VAV3: variants seen among roughly 807,000 people sequenced by gnomAD.
VAV3 encodes vav guanine nucleotide exchange factor 3.
In VAV3, 94 loss-of-function variants were observed where a neutral mutation model predicts 131.2. The observed-to-expected ratio is 0.72, with a 90% CI of 0.61 to 0.85. VAV3 has a LOEUF of 0.85. Among genes scored for constraint, VAV3 ranks in the 40% least tolerant of loss-of-function variants. VAV3 has a pLI of 0.00. For synonymous variants in VAV3, 349 were observed against 342.0 expected (o/e 1.02, Z -0.22); for missense variants, 939 against 1,002.7 (o/e 0.94, Z 0.86).
chr1:107,752,389 T>C (rs1276412897), intron 12 of VAV3, among the ~76,000 whole-genome samples: 1 of 152,184 alleles, frequency 6.6e-6, no homozygotes, highest in Non-Finnish European at 1.5e-5. Context: ...TATAAAACTT[T>C]TACAAGAAAA....
chr1:107,844,230 T>C (rs1571031143), intron 2 of VAV3, among the ~76,000 whole-genome samples: 1 of 151,766 alleles, frequency 6.6e-6, no homozygotes, highest in Non-Finnish European at 1.5e-5. Flanking sequence ...GGGAACTCCC[T>C]CCCCTAGCCA....
intron 2 of VAV3, among the ~76,000 whole-genome samples, chr1:107,836,864 GAAATTGAAAACCT>G (rs1668502228): frequency 1.3e-5 from 2 of 152,106 alleles, no homozygotes; most frequent in African/African-American, 4.8e-5. Flanking sequence ...GAACCAGAAA[GAAATTGAAAACCT>G]GAACAGATCA....
chr1:107,871,009 G>T (rs1436985536), intron 2 of VAV3, among the ~76,000 whole-genome samples: 2 of 152,134 alleles, frequency 1.3e-5, no homozygotes, highest in Admixed American at 1.3e-4. Flanking sequence ...CACTGTCAAT[G>T]TGCCAACAGA....
chr1:107,796,394 T>A (rs1666546484), intron 2 of VAV3, among the ~76,000 whole-genome samples: 1 of 152,144 alleles, frequency 6.6e-6, no homozygotes, highest in Non-Finnish European at 1.5e-5. Context: ...TTTTCCTTTT[T>A]TTAGGGATCA....
intron 2 of VAV3, among the ~76,000 whole-genome samples, chr1:107,802,064 T>C (rs372748853): frequency 1.4e-4 from 22 of 152,228 alleles, no homozygotes; most frequent in African/African-American, 3.4e-4. Context: ...ATTATACAGA[T>C]CTTCCACTTC....
intron 1 of VAV3, among the ~76,000 whole-genome samples, chr1:107,956,783 G>A (rs181504765): frequency 7.0e-4 from 107 of 152,176 alleles, no homozygotes; most frequent in African/African-American, 2.3e-3. Context: ...CAGTCAGCAC[G>A]GTGCGGGTTT....
chr1:107,573,352 T>C lies in VAV3; in HGVS notation c.2523A>G (p.Thr841=). The part of the protein sequence containing the change: ...VNGRVGWFPS[T]YVEEDE ...GAATTTATTCATCCTCTTCCACATA[T>C]GTGGATGGAAACCAGCCCACCTAAA... The change falls in exon 27 of 27, where the codon ACA becomes ACG. Residue 841 remains threonine, a synonymous_variant. Transcript: ENST00000370056. 1 of 1,614,124 alleles carries C rather than the reference T, an allele frequency of 6.2e-7. No homozygotes were observed. Among genetic ancestry groups the C allele is most frequent in the Non-Finnish European group, 8.5e-7 (1 of 1,180,002 alleles).
chr1:107,826,966 A>G (rs1030318209), intron 2 of VAV3, among the ~76,000 whole-genome samples: 6 of 152,170 alleles, frequency 3.9e-5, no homozygotes, highest in Non-Finnish European at 8.8e-5. Flanking sequence ...AATAGTATCT[A>G]CCATTTGCTG....
chr1:107,776,886 A>C (rs990020113), intron 4 of VAV3, among the ~76,000 whole-genome samples: 1 of 152,222 alleles, frequency 6.6e-6, no homozygotes, highest in Non-Finnish European at 1.5e-5. Flanking sequence ...CCTTGAACTT[A>C]TAAGGCATGC....
intron 25 of VAV3, among the ~76,000 whole-genome samples, chr1:107,595,751 A>T (rs1033497473): frequency 6.6e-6 from 1 of 152,168 alleles, no homozygotes; most frequent in African/African-American, 2.4e-5. Flanking sequence ...TAGCATCCAA[A>T]AAAACACATT....
In VAV3 at chr1:107,602,812, A is replaced by T. The variant is rs142982139; in HGVS notation, c.2132+235T>A. On this transcript the variant is annotated intron_variant, in intron 23 of 26. Coordinates refer to ENST00000370056, the MANE Select transcript of VAV3 (RefSeq NM_006113.5). Reference sequence around the variant, plus strand: ...ATTTACTAGAAATATACACACATCAAACCACCAAAACACAATATTATGAAA... The same window carrying T: ...ATTTACTAGAAATATACACACATCATACCACCAAAACACAATATTATGAAA... 5.7e-3 allele frequency among the ~76,000 whole-genome samples: 862 copies of T among 152,290 alleles called. 8 individuals are homozygous for T. The highest frequency in any genetic ancestry group is 0.019 in the African/African-American group (806 of 41,556).
chr1:107,918,947 T>C (rs2101144918), intron 1 of VAV3, among the ~76,000 whole-genome samples: 1 of 152,098 alleles, frequency 6.6e-6, no homozygotes, highest in African/African-American at 2.4e-5. Context: ...CCTCAGGTGA[T>C]CCGCCCGCCT....
At chr1:107,607,121 A>T (rs898057196) in intron 22 of VAV3, among the ~76,000 whole-genome samples, 3 of 151,380 alleles carry the variant, frequency 2.0e-5, no homozygotes, top group Non-Finnish European at 2.9e-5. Flanking sequence ...CGCCCAGCTA[A>T]TTTTTTGTAT....
At chr1:107,587,750 C>T (rs530557868) in intron 25 of VAV3, among the ~76,000 whole-genome samples, 8 of 152,174 alleles carry the variant, frequency 5.3e-5, no homozygotes, top group Admixed American at 3.3e-4. Context: ...GCCACCACAC[C>T]GGGCTAATTT....
intron 2 of VAV3, among the ~76,000 whole-genome samples, chr1:107,864,351 G>C (rs1669880980): frequency 6.6e-6 from 1 of 152,204 alleles, no homozygotes; most frequent in Non-Finnish European, 1.5e-5. Flanking sequence ...GCCAGTCGTG[G>C]TGGCTCATGC....
At chr1:107,747,701 A>G (rs1346760254) in intron 15 of VAV3, among the ~76,000 whole-genome samples, 1 of 152,190 alleles carries the variant, frequency 6.6e-6, no homozygotes, top group African/African-American at 2.4e-5. Context: ...TATTTTACAG[A>G]TGAGGAAACT....
intron 1 of VAV3, among the ~76,000 whole-genome samples, chr1:107,948,053 G>A (rs920130717): frequency 3.9e-5 from 6 of 152,182 alleles, no homozygotes; most frequent in African/African-American, 1.4e-4. Flanking sequence ...ACTGAGTAAT[G>A]CTGAATGGCT....
At position 107,777,426 on chromosome 1, in the gene VAV3, T is replaced by C. The variant is rs1176670503; in HGVS notation, c.381-130A>G. 4 of 785,426 alleles carry C rather than the reference T, an allele frequency of 5.1e-6. No individual in the cohort carries two copies. The South Asian group carries it at 6.4e-5, about 13-fold the overall frequency. 48.7% of individuals were successfully genotyped at this position (785,426 alleles called of 1,614,324 possible). The stretch of plus-strand genomic sequence containing the variant: ...GCCAAAATGGTCAGATCAGTCACCA[T>C]GTCTAACAATATCTAGGGCTTTCCC... On this transcript the variant is annotated intron_variant, in intron 3 of 26. Transcript: ENST00000370056.
At chr1:107,831,349 C>T (rs1052104694) in intron 2 of VAV3, among the ~76,000 whole-genome samples, 6 of 152,044 alleles carry the variant, frequency 3.9e-5, no homozygotes, top group Non-Finnish European at 5.9e-5. Context: ...AAACTGTTTT[C>T]GTGTCATTTC....
Sources: allele counts gnomAD v4.1 joint callset (sites outside exome capture counted in the v4.1 genomes callset), GRCh38; gene constraint gnomAD v4.1.1; transcripts MANE v1.5; gene names NCBI Gene and HGNC (gene_info 2026-07-23, HGNC 2026-07-21).